OTUD4: variants seen among roughly 807,000 people sequenced by gnomAD.
OTUD4 encodes the protein OTU domain-containing protein 4.
OTUD4 carries 24 observed loss-of-function variants against 130.4 expected under a neutral mutation model. The ratio of observed to expected loss-of-function variants is 0.18; its 90% confidence interval spans 0.13 to 0.26. The LOEUF is 0.26. Among genes scored for constraint, OTUD4 ranks in the 10% least tolerant of loss-of-function variants. The pLI is 1.00. For synonymous variants in OTUD4, 420 were observed against 472.5 expected, an observed-to-expected ratio of 0.89 and a Z score of 1.44; for missense variants, 1,031 against 1,329.4, an observed-to-expected ratio of 0.78 and a Z score of 3.49.
chr4:145,159,680 G>A, intron 6 of OTUD4, 45 bp from the exon 7 acceptor site: 1 of 1,595,426 alleles, frequency 6.3e-7, no homozygotes, highest in Non-Finnish European at 8.6e-7. Context: ...ACTACAGGCA[G>A]TTTTTTAAAA....
chr4:145,150,738 T>A lies in OTUD4; in HGVS notation c.1073-39A>T, dbSNP rs748413119. ...CCAAAAGTACATGATAATATTCATA[T>A]TATAAACAATCCCAAGTACCATCAT... is the stretch of plus-strand genomic sequence containing the variant. On this transcript the variant is annotated intron_variant, in intron 12 of 20. Coordinates refer to ENST00000447906, the MANE Select transcript of OTUD4 (RefSeq NM_001366057.1). 3.1e-6 allele frequency: 5 copies of A among 1,607,458 alleles called. 1 individual carries two copies. The highest frequency in any genetic ancestry group is 2.2e-5 in the South Asian group (2 of 90,812).
intron 2 of OTUD4, among the ~76,000 whole-genome samples, chr4:145,173,242 T>G (rs1213212812): frequency 6.6e-6 from 1 of 152,014 alleles, no homozygotes; most frequent in African/African-American, 2.4e-5. Flanking sequence ...ATACAAAAAA[T>G]TAGCCTGGCG....
chr4:145,164,827 T>G (rs1373184809), intron 4 of OTUD4, among the ~76,000 whole-genome samples: 4 of 152,194 alleles, frequency 2.6e-5, no homozygotes, highest in African/African-American at 9.7e-5. Flanking sequence ...ACATGGTATT[T>G]TAGTACGGTT....
chr4:145,169,799 AT>A (rs1297293180), intron 3 of OTUD4, among the ~76,000 whole-genome samples: 1 of 152,220 alleles, frequency 6.6e-6, no homozygotes, highest in African/African-American at 2.4e-5. Flanking sequence ...AAGAATGAAG[AT>A]TTATAAATAT....
In OTUD4 at chr4:145,143,228, C is replaced by T; in HGVS notation, c.1683+137G>A. On this transcript the variant is annotated intron_variant, in intron 17 of 20. Transcript: ENST00000447906. The stretch of plus-strand genomic sequence containing the variant: ...ATCAGAATACATTTAAAAATCATAA[C>T]CACAGCCAAACTGTGATGCCAGAAA... 3 of 523,382 alleles carry T rather than the reference C, an allele frequency of 5.7e-6. No homozygotes were observed. In the South Asian group the frequency reaches 9.1e-5, roughly 16 times the overall value. The allele number at this position is 523,382 out of a possible 1,614,324, so 32.4% of individuals were successfully genotyped here.
chr4:145,165,087 A>G, intron 4 of OTUD4, 64 bp downstream of exon 4: 1 of 875,882 alleles, frequency 1.1e-6, no homozygotes, highest in Non-Finnish European at 1.8e-6. Flanking sequence ...AACATTTTTA[A>G]TATAATGGAA....
At chr4:145,157,002 T>G (rs910229895) in intron 7 of OTUD4, among the ~76,000 whole-genome samples, 7 of 152,288 alleles carry the variant, frequency 4.6e-5, no homozygotes, top group African/African-American at 1.4e-4. Context: ...GTGGTAGGAC[T>G]TGAATATGTG....
intron 14 of OTUD4, among the ~76,000 whole-genome samples, chr4:145,145,629 G>C (rs1750784061): frequency 6.6e-6 from 1 of 152,158 alleles, no homozygotes; most frequent in Admixed American, 6.6e-5. Flanking sequence ...AAAGACCACA[G>C]GCACAGGCTC....
intron 8 of OTUD4, 67 bp downstream of exon 8, chr4:145,155,869 A>G: frequency 7.5e-7 from 1 of 1,327,014 alleles, no homozygotes; most frequent in Non-Finnish European, 1.1e-6. Flanking sequence ...GAAAAAAATT[A>G]AGATTTTAAT....
At chr4:145,159,329 A>C in intron 7 of OTUD4, 174 bp downstream of exon 7, 1 of 1,439,712 alleles carries the variant, frequency 6.9e-7, no homozygotes, top group Admixed American at 2.9e-5. Context: ...CCCATAATAG[A>C]AATTAGGTAA....
intron 1 of OTUD4, among the ~76,000 whole-genome samples, chr4:145,177,287 T>C (rs1752473355): frequency 6.6e-6 from 1 of 152,226 alleles, no homozygotes; most frequent in Non-Finnish European, 1.5e-5. Context: ...TCAAAAGCAA[T>C]GGTAGGCATA....
chr4:145,161,393 A>C (rs1008667892), intron 6 of OTUD4, among the ~76,000 whole-genome samples: 18 of 152,204 alleles, frequency 1.2e-4, no homozygotes, highest in African/African-American at 4.3e-4. Context: ...ACAATGGATT[A>C]ATTATTTAAA....
chr4:145,147,788 A>G (rs1202740316), intron 13 of OTUD4, among the ~76,000 whole-genome samples: 2 of 152,236 alleles, frequency 1.3e-5, no homozygotes, highest in African/African-American at 4.8e-5. Flanking sequence ...CTTTTGCTCT[A>G]TAACTAGAAG....
intron 1 of OTUD4, among the ~76,000 whole-genome samples, chr4:145,176,569 C>T (rs1752437673): frequency 1.3e-5 from 2 of 151,266 alleles, no homozygotes; most frequent in South Asian, 4.2e-4. Context: ...TGTGGTGGTG[C>T]GTGCCTGTAG....
chr4:145,165,019 T>TA (rs1751778829), intron 4 of OTUD4, 132 bp downstream of exon 4: 22 of 485,166 alleles, frequency 4.5e-5, no homozygotes, highest in East Asian at 2.5e-4. Flanking sequence ...TTGATGCAAT[T>TA]AAAAAAAACT....
At chr4:145,142,090 T>G in intron 18 of OTUD4, 106 bp downstream of exon 18, 1 of 921,884 alleles carries the variant, frequency 1.1e-6, no homozygotes, top group Non-Finnish European at 1.7e-6. Flanking sequence ...TCTGTGAGGC[T>G]CCACACACCT....
chr4:145,144,087 C>A, intron 15 of OTUD4, 86 bp from the exon 16 acceptor site: 1 of 1,186,140 alleles, frequency 8.4e-7, no homozygotes, highest in Non-Finnish European at 1.2e-6. Context: ...ATAGAAGAAG[C>A]CAAAAGTATT....
Position 145,175,492 on chromosome 4 carries a change from T to C in OTUD4, c.160-748A>G, listed in dbSNP as rs1472417172. On this transcript the variant is annotated intron_variant, in intron 1 of 20. Coordinates refer to ENST00000447906, the MANE Select transcript of OTUD4 (RefSeq NM_001366057.1). ...ACAACCAGTTCAACAAAAAGATAAC[T>C]TACTGGCATGTGGTCTTTTACCAAA... 4.6e-5 allele frequency among the ~76,000 whole-genome samples: 7 copies of C among 152,304 alleles called. No individual in the cohort carries two copies. In the East Asian group the frequency reaches 1.4e-3, roughly 29 times the overall value.
At chr4:145,150,956 G>T in intron 11 of OTUD4, 51 bp from the exon 12 acceptor site, 5 of 1,073,064 alleles carry the variant, frequency 4.7e-6, no homozygotes, top group South Asian at 1.6e-5. Flanking sequence ...AGTAAGAATA[G>T]TTAAATATTC....
Sources: gnomAD v4.1 joint callset for allele counts (sites outside exome capture counted in the v4.1 genomes callset) on GRCh38, gnomAD v4.1.1 for gene constraint, MANE v1.5 for transcripts, NCBI Gene and HGNC (gene_info 2026-07-23, HGNC 2026-07-21) for gene names.